APOL4: variants seen among roughly 807,000 people sequenced by gnomAD.
APOL4 encodes apolipoprotein L, 4.
In APOL4, 14 loss-of-function variants were observed where a neutral mutation model predicts 12.1. The ratio of observed to expected loss-of-function variants is 1.16; its 90% CI spans 0.76 to 1.81. APOL4 has a LOEUF of 1.81. APOL4 is among the 40% of genes most tolerant of loss of function. The pLI, the probability that APOL4 is intolerant of heterozygous loss-of-function variation, is 0.00. For synonymous variants in APOL4, 171 were observed against 160.6 expected (o/e 1.06, Z -0.49); for missense variants, 432 against 423.1 (o/e 1.02, Z -0.18).
In APOL4 at chr22:36,191,263, G is replaced by C. The variant is rs150226555; in HGVS notation, c.859C>G (p.Arg287Gly). Residue 287 changes from arginine (R) to glycine (G), a missense_variant, in exon 4 of 4, where the codon CGG (arginine) becomes GGG (glycine). Transcript: ENST00000683024. ...APTRIVRKVARNLGKATSGVL... is the reference protein window; with the variant it reads ...APTRIVRKVAGNLGKATSGVL... ...CCTGAAGTGGCCTTGCCCAGGTTCC[G>C]GGCTACTTTTCTCACTATCCGGGTG... 6.2e-7 allele frequency: 1 copy of C among 1,614,008 alleles called. No individual in the cohort carries two copies. The highest frequency in any genetic ancestry group is 2.2e-5 in the East Asian group (1 of 44,892).
At chr22:36,202,173 C>G (rs2014602612), upstream of APOL4, 3 of 1,390,130 alleles carry the variant, frequency 2.2e-6, no homozygotes, top group East Asian at 7.0e-5. Flanking sequence ...TTGACGCCAT[C>G]CTAGCTCATT....
chr22:36,191,333 A>G lies in APOL4; in HGVS notation c.789T>C (p.Tyr263=), dbSNP rs751159915. 13 of 1,614,082 alleles carry G rather than the reference A, an allele frequency of 8.1e-6. No homozygotes were observed. Among genetic ancestry groups the G allele is most frequent in the Non-Finnish European group, 1.1e-5 (13 of 1,179,914 alleles). The part of the protein sequence containing the change: ...TVGRPLIAWR[Y]VPINVVETLR... The stretch of plus-strand genomic sequence containing the variant: ...GTGTCTCAACAACATTTATAGGTAC[A>G]TATCGCCAAGCAATCAAAGGGCGTC... The change falls in exon 4 of 4, where the codon TAT becomes TAC. Residue 263 remains tyrosine, a synonymous_variant. Coordinates refer to ENST00000683024, the MANE Select transcript of APOL4 (RefSeq NM_001386885.1).
Position 36,191,576 on chromosome 22 carries a change from A to C in APOL4, c.546T>G (p.Ala182=). Residue 182 remains alanine, a synonymous_variant, in exon 4 of 4, where the codon GCT becomes GCG. Transcript: ENST00000683024. ...GVGLGIASAT[A]GIASSIVENT... is the part of the protein sequence containing the mutation. ...TCTCCACGATGCTGGAGGCGATCCCAGCCGTGGCAGATGCTATTCCCAGCC... is the reference window on the plus strand; with the variant it reads ...TCTCCACGATGCTGGAGGCGATCCCCGCCGTGGCAGATGCTATTCCCAGCC... The C allele has an allele frequency of 6.2e-7, 1 of 1,613,752 alleles. No homozygotes were observed. Among genetic ancestry groups the C allele is most frequent in the East Asian group, 2.2e-5 (1 of 44,868 alleles).
chr22:36,197,580 T>C (rs757001907), intron 2 of APOL4: 419 of 1,449,818 alleles, frequency 2.9e-4, no homozygotes, highest in Non-Finnish European at 3.7e-4. Context: ...AGAACAGCTG[T>C]AACCCCCCAT....
At position 36,189,262 on chromosome 22, in the gene APOL4, C is replaced by A; in HGVS notation, c.*1813G>T. On this transcript the variant is annotated 3_prime_UTR_variant, in exon 4 of 4. Transcript: ENST00000683024. ...CTCTTTGTCTACTATATATGAGCAA[C>A]GAGACTTTTACTTGGTTGGTTCTCA... 1 of 152,160 alleles carries A rather than the reference C, an allele frequency of 6.6e-6. No homozygotes were observed. Among genetic ancestry groups the A allele is most frequent in the Non-Finnish European group, 1.5e-5 (1 of 68,042 alleles). 9.4% of individuals were successfully genotyped at this position (152,160 alleles called of 1,614,324 possible).
intron 2 of APOL4, among the ~76,000 whole-genome samples, 172 bp from the exon 3 acceptor site, chr22:36,195,609 G>A (rs2146940561): frequency 6.6e-6 from 1 of 152,200 alleles, no homozygotes; most frequent in East Asian, 1.9e-4. Flanking sequence ...TTCAAATACT[G>A]AGGCTCTAAA....
At chr22:36,198,223 T>A (rs1395499595) in intron 2 of APOL4, among the ~76,000 whole-genome samples, 3 of 152,230 alleles carry the variant, frequency 2.0e-5, no homozygotes, top group African/African-American at 7.2e-5. Flanking sequence ...TGGACAAGGC[T>A]AAGGTCCGGT....
intron 1 of APOL4, 83 bp from the exon 2 acceptor site, chr22:36,199,459 G>A: frequency 6.2e-7 from 1 of 1,613,398 alleles, no homozygotes; most frequent in African/African-American, 1.3e-5. Flanking sequence ...GGCCTCTGCA[G>A]ATCCCTCTGA....
chr22:36,201,102 A>C (rs1475540421), intron 1 of APOL4, among the ~76,000 whole-genome samples: 1 of 151,890 alleles, frequency 6.6e-6, no homozygotes, highest in Non-Finnish European at 1.5e-5. Context: ...GAGGAGAGAT[A>C]GAGGGAGGGT....
In APOL4 at chr22:36,196,146, C is replaced by T. The variant is rs545241841; in HGVS notation, c.83-709G>A. Among the ~76,000 whole-genome samples, 3 of 152,314 alleles carry T rather than the reference C, an allele frequency of 2.0e-5. No individual in the cohort carries two copies. The East Asian group carries it at 5.8e-4, about 29-fold the overall frequency. On this transcript the variant is annotated intron_variant, in intron 2 of 3. Coordinates refer to ENST00000683024, the MANE Select transcript of APOL4 (RefSeq NM_001386885.1). ...GTGATCGCTTCCTCCTGCCATGTGC[C>T]TATTGTCAAACACTTTACACCAGTG... is the stretch of plus-strand genomic sequence containing the variant.
chr22:36,197,460 CA>C (rs1180593500), intron 2 of APOL4: 1 of 840,920 alleles, frequency 1.2e-6, no homozygotes, highest in African/African-American at 1.7e-5. Flanking sequence ...GAACCTCCAG[CA>C]CTAAATTTGT....
chr22:36,202,348 G>A (rs975106767), upstream of APOL4, among the ~76,000 whole-genome samples: 5 of 152,210 alleles, frequency 3.3e-5, no homozygotes, highest in African/African-American at 1.2e-4. Context: ...GGCCTCAAGT[G>A]ATCTTCCCGC....
chr22:36,195,552 T>G lies in APOL4; in HGVS notation c.83-115A>C, dbSNP rs377400923. The G allele has an allele frequency of 9.7e-5, 118 of 1,216,084 alleles. No homozygotes were observed. In the African/African-American group the frequency reaches 1.1e-3, roughly 11 times the overall value. The allele number at this position is 1,216,084 out of a possible 1,614,324, so 75.3% of individuals were successfully genotyped here. ...TGAACCAGCTGTCACATGGGGTATT[T>G]TTGATGGAGGCACCAGTGCTATAGA... On this transcript the variant is annotated intron_variant, in intron 2 of 3. Coordinates refer to ENST00000683024, the MANE Select transcript of APOL4 (RefSeq NM_001386885.1).
chr22:36,191,508 G>A lies in APOL4; in HGVS notation c.614C>T (p.Thr205Ile). 1 of 1,614,086 alleles carries A rather than the reference G, an allele frequency of 6.2e-7. No homozygotes were observed. Among genetic ancestry groups the A allele is most frequent in the Non-Finnish European group, 8.5e-7 (1 of 1,179,908 alleles). The change falls in exon 4 of 4, where the codon ACT becomes ATT. Residue 205 changes from threonine (T) to isoleucine (I), a missense_variant. Physicochemically the swap from Thr to Ile is moderately conservative, Grantham distance 89. Transcript: ENST00000683024. ...RSAELTASRL[T>I]ATSTDQLEAL... ...CTCCAATTGGTCAGTGCTGGTTGCAGTCAGCCTGCTGGCTGTGAGTTCTGC... is the reference window on the plus strand; with the variant it reads ...CTCCAATTGGTCAGTGCTGGTTGCAATCAGCCTGCTGGCTGTGAGTTCTGC...
Position 36,190,346 on chromosome 22 carries a change from C to T in APOL4, c.*729G>A, listed in dbSNP as rs1361480456. On this transcript the variant is annotated 3_prime_UTR_variant, in exon 4 of 4. Coordinates refer to ENST00000683024, the MANE Select transcript of APOL4 (RefSeq NM_001386885.1). ...AAAATTGCTAATGAGGTTTCGGGCA[C>T]CATTGTCATTGATAACATCTTATCA... 6.6e-6 allele frequency: 1 copy of T among 152,176 alleles called. No homozygotes were observed. Among genetic ancestry groups the T allele is most frequent in the African/African-American group, 2.4e-5 (1 of 41,426 alleles). 9.4% of individuals were successfully genotyped at this position (152,176 alleles called of 1,614,324 possible).
Position 36,191,130 on chromosome 22 carries a change from A to T in APOL4, c.992T>A (p.Leu331Gln), listed in dbSNP as rs1452782771. 6.2e-7 allele frequency: 1 copy of T among 1,611,404 alleles called. No homozygotes were observed. The highest frequency in any genetic ancestry group is 8.5e-7 in the Non-Finnish European group (1 of 1,178,728). Reference protein sequence around the residue: ...AESLRQWAQELEENLNELTHI... With the variant: ...AESLRQWAQEQEENLNELTHI... ...GGTGAGCTCATTGAGATTCTCCTCC[A>T]GCTCCTGAGCCCACTGCCTCAGCGA... The change falls in exon 4 of 4, where the codon CTG becomes CAG. Residue 331 changes from leucine (L) to glutamine (Q), a missense_variant. Transcript: ENST00000683024.
At position 36,200,914 on chromosome 22, in the gene APOL4, A is replaced by G. The variant is rs140463019; in HGVS notation, c.35+786T>C. On this transcript the variant is annotated intron_variant, in intron 1 of 3. Coordinates refer to ENST00000683024, the MANE Select transcript of APOL4 (RefSeq NM_001386885.1). ...CTTTAAGGCACGAAGGTAGCAGTTG[A>G]GATGTGAAGCACTGAACAAAGGAGA... 5.6e-3 allele frequency among the ~76,000 whole-genome samples: 853 copies of G among 152,344 alleles called. 15 individuals carry two copies. The highest frequency in any genetic ancestry group is 0.048 in the East Asian group (250 of 5,186).
upstream of APOL4, among the ~76,000 whole-genome samples, chr22:36,202,318 T>C (rs132738): frequency 0.64 from 97,338 of 152,106 alleles, 32,695 homozygotes; most frequent in East Asian, 0.96. Context: ...CCTGTGTTTC[T>C]CAGGCTGTCT....
intron 1 of APOL4, among the ~76,000 whole-genome samples, chr22:36,200,092 C>T (rs894862247): frequency 1.3e-5 from 2 of 150,068 alleles, no homozygotes; most frequent in African/African-American, 2.5e-5. Context: ...CAGGCGTGAG[C>T]GGTCGCGCCG....
Sources: gnomAD v4.1 joint callset for allele counts (sites outside exome capture counted in the v4.1 genomes callset) on GRCh38, gnomAD v4.1.1 for gene constraint, MANE v1.5 for transcripts, NCBI Gene and HGNC (gene_info 2026-07-23, HGNC 2026-07-21) for gene names.